Variants in NDST3 observed in about 807,000 individuals in gnomAD.
NDST3 encodes the protein bifunctional heparan sulfate N-deacetylase/N-sulfotransferase 3.
NDST3 carries 58 observed loss-of-function variants against 96.1 expected under a neutral mutation model. The ratio of observed to expected loss-of-function variants is 0.60; its 90% confidence interval spans 0.49 to 0.75. The LOEUF is 0.75. Among genes scored for constraint, NDST3 ranks in the 30% least tolerant of loss-of-function variants. The pLI, the probability that NDST3 is intolerant of heterozygous loss-of-function variation, is 0.00. For missense variants in NDST3, 788 were observed against 1,034.2 expected, an observed-to-expected ratio of 0.76 and a Z score of 3.27; for synonymous variants, 333 against 359.7, an observed-to-expected ratio of 0.93 and a Z score of 0.84.
At chr4:118,218,531 T>C (rs1215408898) in intron 6 of NDST3, among the ~76,000 whole-genome samples, 1 of 152,138 alleles carries the variant, frequency 6.6e-6, no homozygotes, top group African/African-American at 2.4e-5. Context: ...GAGGTATTTA[T>C]GGACTATACC....
Position 118,255,744 on chromosome 4 carries a change from A to G in NDST3, c.*32A>G, listed in dbSNP as rs1742082099. The G allele has an allele frequency of 6.4e-7, 1 of 1,563,506 alleles. No individual in the cohort carries two copies. Among genetic ancestry groups the G allele is most frequent in the Non-Finnish European group, 8.7e-7 (1 of 1,151,122 alleles). On this transcript the variant is annotated 3_prime_UTR_variant, in exon 14 of 14. Transcript: ENST00000296499. Reference sequence around the variant, plus strand: ...GAGAAAACTTGAGACTTCATCGTCCATGTAGAACACACCTTTTCCAAAGCT... The same window carrying G: ...GAGAAAACTTGAGACTTCATCGTCCGTGTAGAACACACCTTTTCCAAAGCT...
chr4:118,049,848 A>C (rs945238141), intron 1 of NDST3, among the ~76,000 whole-genome samples: 1 of 152,134 alleles, frequency 6.6e-6, no homozygotes, highest in African/African-American at 2.4e-5. Context: ...TATTCCAAAA[A>C]ATTGAGGAGA....
intron 4 of NDST3, among the ~76,000 whole-genome samples, chr4:118,120,463 C>A (rs1445403276): frequency 6.6e-6 from 1 of 152,100 alleles, no homozygotes; most frequent in Non-Finnish European, 1.5e-5. Flanking sequence ...TAAGAGCTGT[C>A]TTTAGTCATC....
At chr4:118,196,809 G>C (rs1578799699) in intron 6 of NDST3, among the ~76,000 whole-genome samples, 1 of 149,304 alleles carries the variant, frequency 6.7e-6, no homozygotes, top group East Asian at 2.0e-4. Context: ...TTGATCTTTT[G>C]TATTGTCTTC....
chr4:118,051,069 C>T (rs1246138067), intron 1 of NDST3, among the ~76,000 whole-genome samples: 1 of 152,088 alleles, frequency 6.6e-6, no homozygotes, highest in Non-Finnish European at 1.5e-5. Context: ...TAAAGCCACA[C>T]ACCTACAATC....
intron 6 of NDST3, among the ~76,000 whole-genome samples, chr4:118,176,958 T>A (rs998314942): frequency 4.6e-5 from 7 of 152,008 alleles, no homozygotes; most frequent in African/African-American, 1.4e-4. Flanking sequence ...TAATTTAGAT[T>A]TAAATGAAAA....
intron 1 of NDST3, among the ~76,000 whole-genome samples, chr4:118,036,920 C>T (rs545465053): frequency 4.5e-4 from 69 of 152,294 alleles, no homozygotes; most frequent in African/African-American, 1.7e-3. Flanking sequence ...TCAATTATTG[C>T]AGTCCTATCC....
At chr4:118,153,824 AAAT>A (rs745796435) in intron 6 of NDST3, among the ~76,000 whole-genome samples, 1 of 151,930 alleles carries the variant, frequency 6.6e-6, no homozygotes. Flanking sequence ...ACTCCATCTA[AAAT>A]AATAATAATA....
At chr4:118,112,617 C>T (rs1297284732) in intron 3 of NDST3, among the ~76,000 whole-genome samples, 1 of 152,162 alleles carries the variant, frequency 6.6e-6, no homozygotes, top group Admixed American at 6.6e-5. Flanking sequence ...TGTTTAAATG[C>T]AGGGAAACTA....
chr4:118,118,309 A>C (rs1041251352), intron 4 of NDST3, among the ~76,000 whole-genome samples: 1 of 152,202 alleles, frequency 6.6e-6, no homozygotes, highest in African/African-American at 2.4e-5. Context: ...TTGGGAGCAA[A>C]TAGGTGTTCA....
intron 2 of NDST3, among the ~76,000 whole-genome samples, chr4:118,099,788 T>C (rs1176981432): frequency 1.3e-5 from 2 of 152,090 alleles, no homozygotes; most frequent in Admixed American, 6.6e-5. Context: ...CCTACTCTAA[T>C]ATTAACCTAA....
chr4:118,084,610 A>G (rs1353851684), intron 2 of NDST3, among the ~76,000 whole-genome samples: 1 of 152,252 alleles, frequency 6.6e-6, no homozygotes, highest in Non-Finnish European at 1.5e-5. Context: ...GGGACATTAC[A>G]TTAAACAGAA....
chr4:118,079,429 C>A (rs2125814980), intron 2 of NDST3, among the ~76,000 whole-genome samples: 1 of 152,138 alleles, frequency 6.6e-6, no homozygotes, highest in African/African-American at 2.4e-5. Context: ...GAATAGCCTA[C>A]AATAAACACA....
chr4:118,143,511 TG>T (rs67092892), intron 5 of NDST3, 44 bp from the exon 6 acceptor site: 31,278 of 1,141,540 alleles, frequency 0.027, 61 homozygotes, highest in Admixed American at 0.038. Context: ...ACAAATTGAT[TG>T]GAAAAAAAAA....
chr4:118,160,870 C>T (rs1446205950), intron 6 of NDST3, among the ~76,000 whole-genome samples: 1 of 152,100 alleles, frequency 6.6e-6, no homozygotes, highest in South Asian at 2.1e-4. Flanking sequence ...TCTCTCAACT[C>T]GTCAAAGTCA....
chr4:118,054,377 A>G lies in NDST3; in HGVS notation c.467A>G (p.Glu156Gly), dbSNP rs138438126. The G allele has an allele frequency of 7.4e-6, 12 of 1,612,914 alleles. No individual in the cohort carries two copies. Among genetic ancestry groups the G allele is most frequent in the Admixed American group, 1.7e-5 (1 of 59,778 alleles). Residue 156 changes from glutamate to glycine, a missense_variant, in exon 2 of 14, where the codon GAA (glutamate) becomes GGA (glycine). Glu to Gly is a moderately conservative substitution (Grantham distance 98, BLOSUM62 -2). Coordinates refer to ENST00000296499, the MANE Select transcript of NDST3 (RefSeq NM_004784.3). ...NRSLLDKYCV[E>G]YGVGVIGFHK... ...AGCCTTCTAGATAAATACTGTGTAG[A>G]ATATGGTGTGGGTGTCATTGGATTC...
chr4:118,085,735 CTT>C (rs1304050782), intron 2 of NDST3, among the ~76,000 whole-genome samples: 2 of 152,086 alleles, frequency 1.3e-5, no homozygotes, highest in Admixed American at 1.3e-4. Flanking sequence ...GCTTTGCCCT[CTT>C]TAAAATTTTT....
chr4:118,240,453 C>A, intron 10 of NDST3, 71 bp from the exon 11 acceptor site: 1 of 1,312,228 alleles, frequency 7.6e-7, no homozygotes, highest in Non-Finnish European at 1.0e-6. Context: ...TGAGACTTGT[C>A]ACAAAGATTG....
intron 12 of NDST3, among the ~76,000 whole-genome samples, chr4:118,242,926 G>A (rs1483795366): frequency 6.6e-6 from 1 of 151,966 alleles, no homozygotes; most frequent in African/African-American, 2.4e-5. Flanking sequence ...CTGACTCTGG[G>A]CTTCACTTAG....
Sources: gnomAD v4.1 joint callset for allele counts (sites outside exome capture counted in the v4.1 genomes callset) on GRCh38, gnomAD v4.1.1 for gene constraint, MANE v1.5 for transcripts, NCBI Gene and HGNC (gene_info 2026-07-23, HGNC 2026-07-21) for gene names.